Variants in FRYL observed in about 807,000 individuals in gnomAD.
FRYL encodes the protein FRY like transcription coactivator, also known as protein furry homolog-like.
Under a neutral mutation model 351.2 loss-of-function variants are expected in FRYL, and 150 were observed. The ratio of observed to expected loss-of-function variants is 0.43; its 90% CI spans 0.37 to 0.49. The LOEUF is 0.49. Ranked by LOEUF, FRYL falls within the 20% of genes least tolerant of loss-of-function variation. FRYL has a pLI of 0.00. For missense variants in FRYL, 3,036 were observed against 3,619.3 expected, an observed-to-expected ratio of 0.84 and a Z score of 4.13; for synonymous variants, 1,153 against 1,257.1, an observed-to-expected ratio of 0.92 and a Z score of 1.75.
intron 25 of FRYL, 65 bp downstream of exon 25, chr4:48,575,052 A>T: frequency 6.4e-7 from 1 of 1,555,304 alleles, no homozygotes; most frequent in Non-Finnish European, 8.8e-7. Context: ...TAAGGACCCT[A>T]CCACACCTTC....
chr4:48,653,745 T>C lies in FRYL; in HGVS notation c.-80-19255A>G, dbSNP rs909372194. The stretch of plus-strand genomic sequence containing the variant: ...TGCTCCAGGACTTTAACAAGGACTT[T>C]ATGCTAATTTCAAAAAACACAGAAT... On this transcript the variant is annotated intron_variant, in intron 3 of 63. Coordinates refer to ENST00000358350, the MANE Select transcript of FRYL (RefSeq NM_015030.2). 5 of 1,290,978 alleles carry C rather than the reference T, an allele frequency of 3.9e-6. No individual in the cohort carries two copies. In the African/African-American group the frequency reaches 6.1e-5, roughly 16 times the overall value. The allele number at this position is 1,290,978 out of a possible 1,614,324, so 80.0% of individuals were successfully genotyped here.
At chr4:48,663,106 G>A (rs1166713071) in intron 3 of FRYL, among the ~76,000 whole-genome samples, 8 of 151,900 alleles carry the variant, frequency 5.3e-5, no homozygotes, top group Non-Finnish European at 1.5e-5. Context: ...TCCTTTCAAA[G>A]TTAATTAACT....
chr4:48,609,236 A>G (rs560800834), intron 8 of FRYL, among the ~76,000 whole-genome samples, 169 bp from the exon 9 acceptor site: 15 of 152,318 alleles, frequency 9.8e-5, no homozygotes, highest in African/African-American at 3.1e-4. Flanking sequence ...TTACTTTACT[A>G]TATTTAACCT....
intron 1 of FRYL, among the ~76,000 whole-genome samples, chr4:48,714,121 A>C (rs1768456525): frequency 6.6e-6 from 1 of 152,212 alleles, no homozygotes; most frequent in South Asian, 2.1e-4. Context: ...CATTTAAAGC[A>C]GTGTGTAGAG....
At chr4:48,672,064 CA>C (rs780867797) in intron 3 of FRYL, among the ~76,000 whole-genome samples, 1 of 152,100 alleles carries the variant, frequency 6.6e-6, no homozygotes, top group Non-Finnish European at 1.5e-5. Context: ...GATTCATCTA[CA>C]TCCAAATAAA....
At chr4:48,609,413 G>C (rs1747571923) in intron 8 of FRYL, among the ~76,000 whole-genome samples, 1 of 152,078 alleles carries the variant, frequency 6.6e-6, no homozygotes. Flanking sequence ...TGGAGCCCAG[G>C]AGTTCAAGTC....
At chr4:48,601,924 T>C (rs1272757622) in intron 13 of FRYL, 96 bp downstream of exon 13, 3 of 657,256 alleles carry the variant, frequency 4.6e-6, no homozygotes, top group South Asian at 3.6e-5. Context: ...AGTATACCAA[T>C]AGTAACAAAA....
chr4:48,590,879 C>T, intron 16 of FRYL, 49 bp from the exon 17 acceptor site: 3 of 1,409,430 alleles, frequency 2.1e-6, no homozygotes, highest in Non-Finnish European at 1.9e-6. Context: ...CATAAATTAC[C>T]TTTTTTGCAT....
chr4:48,750,135 TAAAA>T (rs573603384), intron 1 of FRYL, among the ~76,000 whole-genome samples: 1 of 77,942 alleles, frequency 1.3e-5, no homozygotes, highest in Non-Finnish European at 2.7e-5. Flanking sequence ...CTCCATCTAT[TAAAA>T]AAAAAAAAAA....
chr4:48,675,546 C>T (rs539443222), intron 3 of FRYL, among the ~76,000 whole-genome samples: 5 of 152,350 alleles, frequency 3.3e-5, no homozygotes, highest in South Asian at 2.1e-4. Flanking sequence ...GCGCTGCGCT[C>T]GATTTCTCAC....
Position 48,497,952 on chromosome 4 carries a change from T to C in FRYL, c.*1470A>G, listed in dbSNP as rs563642537. 7 of 152,728 alleles carry C rather than the reference T, an allele frequency of 4.6e-5. No individual in the cohort carries two copies. Among genetic ancestry groups the C allele is most frequent in the Non-Finnish European group, 8.8e-5 (6 of 68,008 alleles). The allele number at this position is 152,728 out of a possible 1,614,324, so 9.5% of individuals were successfully genotyped here. A position where few individuals can be genotyped will look rare whatever the true frequency, so the allele number is the denominator to read the frequency against. ...AAAAGGTAAAGCTAAGCATTTCATT[T>C]CTACATTCTAAACTCTGGAATCACA... On this transcript the variant is annotated 3_prime_UTR_variant, in exon 64 of 64. Coordinates refer to ENST00000358350, the MANE Select transcript of FRYL (RefSeq NM_015030.2).
intron 3 of FRYL, among the ~76,000 whole-genome samples, chr4:48,667,165 T>A (rs1761854990): frequency 6.6e-6 from 1 of 152,142 alleles, no homozygotes; most frequent in African/African-American, 2.4e-5. Flanking sequence ...AAGTATGTAT[T>A]CTACCCCCAT....
intron 3 of FRYL, among the ~76,000 whole-genome samples, chr4:48,651,213 C>CGTGTGTGT (rs10604700): frequency 7.7e-4 from 81 of 104,962 alleles, no homozygotes; most frequent in African/African-American, 2.6e-3. Context: ...CCACATGCAC[C>CGTGTGTGT]GTGTGTGTGT....
chr4:48,559,528 C>A lies in FRYL; in HGVS notation c.3866-1816G>T, dbSNP rs79067627. Among the ~76,000 whole-genome samples, 35 of 10,376 alleles carry A rather than the reference C, an allele frequency of 3.4e-3. 2 individuals carry two copies. The highest frequency in any genetic ancestry group is 7.2e-3 in the Admixed American group (3 of 418). 6.8% of individuals were successfully genotyped at this position (10,376 alleles called of 152,430 possible). A position where few individuals can be genotyped will look rare whatever the true frequency, so the allele number is the denominator to read the frequency against. On this transcript the variant is annotated intron_variant, in intron 33 of 63. Coordinates refer to ENST00000358350, the MANE Select transcript of FRYL (RefSeq NM_015030.2). ...GGGTAACAGCCAGATCCTCTCTCTCCAAAAAAAAAAAAAAAAAAAAAAAGC... is the reference window on the plus strand; with the variant it reads ...GGGTAACAGCCAGATCCTCTCTCTCAAAAAAAAAAAAAAAAAAAAAAAAGC...
chr4:48,779,963 G>A (rs1259074650), intron 1 of FRYL, 115 bp downstream of exon 1: 1 of 151,954 alleles, frequency 6.6e-6, no homozygotes, highest in Non-Finnish European at 1.5e-5. Context: ...AGCTGGCGAG[G>A]GCCGACGACC....
At chr4:48,736,808 C>T (rs112530359) in intron 1 of FRYL, among the ~76,000 whole-genome samples, 1 of 135,038 alleles carries the variant, frequency 7.4e-6, no homozygotes, top group African/African-American at 2.7e-5. Context: ...CAAGATCGCA[C>T]CACTGCACTC....
chr4:48,522,912 G>C lies in FRYL; in HGVS notation c.7510C>G (p.Arg2504Gly), dbSNP rs764892956. 8 of 1,612,442 alleles carry C rather than the reference G, an allele frequency of 5.0e-6. No individual in the cohort carries two copies. The African/African-American group carries it at 8.0e-5, about 16-fold the overall frequency. Residue 2504 changes from arginine to glycine, a missense_variant, in exon 54 of 64, where the codon CGC becomes GGC. This residue lies in a region of FRYL where 1,987 missense variants were observed against 2,311.7 expected (regional missense o/e 0.86). Transcript: ENST00000358350. ...AGTGAATTGTATACCATCTGTGTGC[G>C]TGAGAGTATCTGGCTTGCTGTAAGT... ...AALTASQILSRTQMLNSDSAT... is the reference protein window; with the variant it reads ...AALTASQILSGTQMLNSDSAT...
intron 61 of FRYL, among the ~76,000 whole-genome samples, chr4:48,502,626 T>C (rs1212146406): frequency 6.6e-6 from 1 of 152,082 alleles, no homozygotes; most frequent in Non-Finnish European, 1.5e-5. Flanking sequence ...AAAAGGTGAC[T>C]GCTAATTTTA....
chr4:48,551,909 G>A (rs1466197765), intron 36 of FRYL, among the ~76,000 whole-genome samples: 2 of 152,100 alleles, frequency 1.3e-5, no homozygotes, highest in Non-Finnish European at 2.9e-5. Flanking sequence ...GGTTGAAGGT[G>A]GTGCGAAAAA....
Sources: gnomAD v4.1 joint callset for allele counts (sites outside exome capture counted in the v4.1 genomes callset) on GRCh38, gnomAD v4.1.1 for gene constraint, gnomAD v4.1.1 regional missense constraint, MANE v1.5 for transcripts, NCBI Gene and HGNC (gene_info 2026-07-23, HGNC 2026-07-21) for gene names.